Variants in CCDC102B observed in about 807,000 individuals in gnomAD.
CCDC102B encodes the protein coiled-coil domain containing 102B, also known as coiled-coil domain-containing protein 102B.
In CCDC102B, 75 loss-of-function variants were observed where a neutral mutation model predicts 57.4. That is an observed-to-expected ratio of 1.31 (90% confidence interval 1.08 to 1.58). The LOEUF (loss-of-function observed/expected upper bound fraction) is 1.58. Ranked by LOEUF, CCDC102B falls within the 40% of genes most tolerant of loss-of-function variation. CCDC102B has a pLI of 0.00. For missense variants in CCDC102B, 636 were observed against 582.6 expected (o/e 1.09, Z -0.94); for synonymous variants, 206 against 201.9 (o/e 1.02, Z -0.17).
At chr18:69,052,711 T>C (rs189744675) in intron 7 of CCDC102B, among the ~76,000 whole-genome samples, 26 of 151,956 alleles carry the variant, frequency 1.7e-4, no homozygotes, top group African/African-American at 6.3e-4. Context: ...GGTGCGTTGC[T>C]ATATATCTAC....
Position 68,837,131 on chromosome 18 carries a change from T to C in CCDC102B, c.368T>C (p.Leu123Pro). 1 of 1,613,972 alleles carries C rather than the reference T, an allele frequency of 6.2e-7. No homozygotes were observed. The highest frequency in any genetic ancestry group is 8.5e-7 in the Non-Finnish European group (1 of 1,179,946). ...RNSAREEGRQ[L>P]RIKLEMAMKE... ...AGTGCCAGGGAGGAAGGAAGACAAC[T>C]CAGAATAAAACTAGAGATGGCGATG... is the stretch of plus-strand genomic sequence containing the variant. The change falls in exon 2 of 8, where the codon CTC becomes CCC. Residue 123 changes from leucine to proline, a missense_variant. Leu to Pro is a moderately conservative substitution (Grantham distance 98). Transcript: ENST00000360242.
At chr18:68,911,893 A>C (rs1365174399) in intron 6 of CCDC102B, among the ~76,000 whole-genome samples, 1 of 119,198 alleles carries the variant, frequency 8.4e-6, no homozygotes, top group East Asian at 2.1e-4. Context: ...TGAAAACAAA[A>C]AAGTAAAAAA....
chr18:69,016,930 G>A (rs189347559), intron 7 of CCDC102B, among the ~76,000 whole-genome samples: 46 of 152,116 alleles, frequency 3.0e-4, no homozygotes, highest in Non-Finnish European at 4.7e-4. Flanking sequence ...TCAATGATAG[G>A]TCAAATTGTG....
At chr18:68,999,648 G>C (rs2051147598) in intron 6 of CCDC102B, among the ~76,000 whole-genome samples, 1 of 152,052 alleles carries the variant, frequency 6.6e-6, no homozygotes. Context: ...AAGAAAAGCA[G>C]CAAAGTTCTG....
chr18:68,803,749 C>CA (rs200472619), intron 1 of CCDC102B, among the ~76,000 whole-genome samples: 4,674 of 152,184 alleles, frequency 0.031, 225 homozygotes, highest in African/African-American at 0.11. Context: ...ATCACAATTA[C>CA]ATGGTCACCA....
chr18:68,726,537 A>G (rs976752886), intron 2 of CCDC102B, among the ~76,000 whole-genome samples: 1 of 152,230 alleles, frequency 6.6e-6, no homozygotes. Flanking sequence ...GATATAATCC[A>G]CACTATTCAA....
chr18:69,037,483 C>T (rs1259834297), intron 7 of CCDC102B, among the ~76,000 whole-genome samples: 7 of 151,904 alleles, frequency 4.6e-5, no homozygotes, highest in African/African-American at 1.4e-4. Context: ...GACTTCTCTT[C>T]CAAGTGTGTT....
intron 2 of CCDC102B, among the ~76,000 whole-genome samples, chr18:68,787,086 C>G (rs1178797574): frequency 6.6e-6 from 1 of 151,192 alleles, no homozygotes; most frequent in African/African-American, 2.4e-5. Flanking sequence ...TTGAGATAAT[C>G]ATGTGGTTTT....
At chr18:68,820,361 G>C (rs73967717) in intron 1 of CCDC102B, among the ~76,000 whole-genome samples, 1 of 152,020 alleles carries the variant, frequency 6.6e-6, no homozygotes, top group South Asian at 2.1e-4. Context: ...CACAATGATT[G>C]ATAATCAAAT....
Position 68,772,189 on chromosome 18 carries a change from A to G in CCDC102B, c.-66-51177A>G, listed in dbSNP as rs499909. On this transcript the variant is annotated intron_variant, in intron 2 of 3. Coordinates refer to the CCDC102B transcript ENST00000578970. Reference sequence around the variant, plus strand: ...ACCTTGAACTGTCAATCAAAATTAGAAATTGCCAGAGCCTTGTACAAAATC... The same window carrying G: ...ACCTTGAACTGTCAATCAAAATTAGGAATTGCCAGAGCCTTGTACAAAATC... Among the ~76,000 whole-genome samples, 870 of 152,290 alleles carry G rather than the reference A, an allele frequency of 5.7e-3. 5 individuals carry two copies. Among genetic ancestry groups the G allele is most frequent in the East Asian group, 0.043 (225 of 5,178 alleles).
intron 6 of CCDC102B, among the ~76,000 whole-genome samples, chr18:68,931,302 A>G (rs2041664550): frequency 6.6e-6 from 1 of 151,998 alleles, no homozygotes; most frequent in Non-Finnish European, 1.5e-5. Context: ...AGATACTTGT[A>G]TTATTTAAGA....
chr18:68,969,866 T>C (rs1023384432), intron 6 of CCDC102B, among the ~76,000 whole-genome samples: 1 of 152,122 alleles, frequency 6.6e-6, no homozygotes, highest in East Asian at 1.9e-4. Context: ...AGAAATATTA[T>C]AGAGCAAATT....
intron 2 of CCDC102B, among the ~76,000 whole-genome samples, chr18:68,746,460 A>G (rs945739030): frequency 2.0e-5 from 3 of 152,164 alleles, no homozygotes; most frequent in African/African-American, 7.2e-5. Flanking sequence ...TGCTTTCTTC[A>G]TAATCCAAGC....
chr18:68,759,691 C>G (rs1436230584), intron 2 of CCDC102B, among the ~76,000 whole-genome samples: 2 of 152,040 alleles, frequency 1.3e-5, no homozygotes, highest in East Asian at 3.9e-4. Flanking sequence ...TAAGTCCTTT[C>G]TATCGAATGT....
At chr18:68,888,545 A>G (rs970166314) in intron 5 of CCDC102B, among the ~76,000 whole-genome samples, 1 of 152,172 alleles carries the variant, frequency 6.6e-6, no homozygotes, top group Non-Finnish European at 1.5e-5. Context: ...CCTGGTTTCT[A>G]TCCACCAGAT....
chr18:68,898,699 TAATC>T (rs1173996600), intron 6 of CCDC102B, among the ~76,000 whole-genome samples: 7 of 152,168 alleles, frequency 4.6e-5, no homozygotes, highest in African/African-American at 1.7e-4. Flanking sequence ...ATGAGAATAT[TAATC>T]AATGAATCAT....
intron 7 of CCDC102B, among the ~76,000 whole-genome samples, chr18:69,052,649 T>A (rs1417713379): frequency 6.6e-6 from 1 of 151,920 alleles, no homozygotes; most frequent in African/African-American, 2.4e-5. Context: ...TCCATTATAA[T>A]CTTATGGGAC....
chr18:69,043,595 A>G (rs981987507), intron 7 of CCDC102B, among the ~76,000 whole-genome samples: 2 of 152,146 alleles, frequency 1.3e-5, no homozygotes, highest in African/African-American at 4.8e-5. Flanking sequence ...TGCTGCCTTC[A>G]AGCCTTTGTT....
At chr18:68,718,318 A>G (rs182253061) in intron 2 of CCDC102B, among the ~76,000 whole-genome samples, 2 of 152,226 alleles carry the variant, frequency 1.3e-5, no homozygotes, top group African/African-American at 4.8e-5. Context: ...GTAATCCTAT[A>G]GTAAAGTGCT....
Sources: allele counts gnomAD v4.1 joint callset (sites outside exome capture counted in the v4.1 genomes callset), GRCh38; gene constraint gnomAD v4.1.1; transcripts MANE v1.5; gene names NCBI Gene and HGNC (gene_info 2026-07-23, HGNC 2026-07-21).